Variants in NAPB observed in about 807,000 individuals in gnomAD.
The protein encoded by NAPB is beta-soluble NSF attachment protein.
In NAPB, 26 loss-of-function variants were observed where a neutral mutation model predicts 44.7. The ratio of observed to expected loss-of-function variants is 0.58; its 90% CI spans 0.43 to 0.81. The LOEUF is 0.81. Among genes scored for constraint, NAPB ranks in the 30% least tolerant of loss-of-function variants. NAPB has a pLI of 0.00. For synonymous variants in NAPB, 120 were observed against 116.8 expected (o/e 1.03, Z -0.18); for missense variants, 315 against 356.4 (o/e 0.88, Z 0.94).
At position 23,394,914 on chromosome 20, in the gene NAPB, C is replaced by T; in HGVS notation, c.420+8G>A. ...CTTCACATCTGAGGAAGTGTGCCCA[C>T]TGCTTACCTTCTCAATGTCTACAAG... is the stretch of plus-strand genomic sequence containing the variant. On this transcript the variant is annotated splice_region_variant and intron_variant, in intron 5 of 10. Transcript: ENST00000377026. 6.2e-7 allele frequency: 1 copy of T among 1,613,546 alleles called. No individual in the cohort carries two copies.
intron 1 of NAPB, among the ~76,000 whole-genome samples, chr20:23,410,156 A>G (rs150351991): frequency 2.0e-5 from 3 of 152,356 alleles, no homozygotes; most frequent in Non-Finnish European, 4.4e-5. Context: ...AGTGATGGAA[A>G]TACGTTCTTG....
intron 1 of NAPB, among the ~76,000 whole-genome samples, chr20:23,420,324 G>C (rs1986292067): frequency 6.6e-6 from 1 of 152,220 alleles, no homozygotes; most frequent in South Asian, 2.1e-4. Context: ...TAATCAAACA[G>C]GAGGCTCTGG....
At chr20:23,402,090 C>T (rs1045102868) in intron 2 of NAPB, among the ~76,000 whole-genome samples, 1 of 152,200 alleles carries the variant, frequency 6.6e-6, no homozygotes, top group Non-Finnish European at 1.5e-5. Context: ...TTAGCTAAAA[C>T]TAAACTTCTT....
At chr20:23,416,013 C>T (rs1202799961) in intron 1 of NAPB, among the ~76,000 whole-genome samples, 1 of 152,114 alleles carries the variant, frequency 6.6e-6, no homozygotes, top group African/African-American at 2.4e-5. Context: ...CTTAAACTCT[C>T]CTTTACTTGG....
chr20:23,399,892 C>T (rs971512931), intron 2 of NAPB, among the ~76,000 whole-genome samples: 3 of 152,254 alleles, frequency 2.0e-5, no homozygotes, highest in Non-Finnish European at 4.4e-5. Context: ...TTCATTATTA[C>T]ATGCAAATCT....
At chr20:23,382,660 A>G (rs1465289195) in intron 7 of NAPB, among the ~76,000 whole-genome samples, 1 of 152,116 alleles carries the variant, frequency 6.6e-6, no homozygotes, top group Non-Finnish European at 1.5e-5. Context: ...ACTGAAAAAA[A>G]AAAACAGTAC....
chr20:23,405,592 C>T (rs1338067376), intron 1 of NAPB, among the ~76,000 whole-genome samples: 4 of 152,072 alleles, frequency 2.6e-5, no homozygotes, highest in Admixed American at 6.5e-5. Flanking sequence ...GGCATGGTGG[C>T]GGGTGCCTGC....
intron 5 of NAPB, among the ~76,000 whole-genome samples, chr20:23,394,351 G>A (rs1400839369): frequency 6.6e-6 from 1 of 152,178 alleles, no homozygotes; most frequent in Non-Finnish European, 1.5e-5. Flanking sequence ...CTCACAGGTT[G>A]TAGAGAAAGA....
intron 5 of NAPB, among the ~76,000 whole-genome samples, chr20:23,391,793 C>A (rs1179078902): frequency 6.6e-6 from 1 of 152,218 alleles, no homozygotes; most frequent in Non-Finnish European, 1.5e-5. Context: ...GATTAAAAAC[C>A]GTAAAAACCA....
intron 1 of NAPB, among the ~76,000 whole-genome samples, chr20:23,418,663 C>T (rs1279187505): frequency 1.3e-5 from 2 of 151,864 alleles, no homozygotes; most frequent in African/African-American, 2.4e-5. Context: ...TGAGGCTGGG[C>T]GTGCTGGCTC....
intron 5 of NAPB, among the ~76,000 whole-genome samples, chr20:23,391,072 T>C (rs1321834735): frequency 3.3e-5 from 5 of 152,148 alleles, no homozygotes; most frequent in South Asian, 2.1e-4. Context: ...CCCAGCACTT[T>C]TGGAGGCCGA....
At chr20:23,380,932 C>T (rs187308599) in intron 8 of NAPB, 4 of 295,304 alleles carry the variant, frequency 1.4e-5, no homozygotes, top group Admixed American at 4.7e-5. Context: ...CAGTGCCCCC[C>T]ATTCAAGTAC....
intron 5 of NAPB, 137 bp from the exon 6 acceptor site, chr20:23,390,401 G>C (rs1983859561): frequency 1.4e-6 from 1 of 691,118 alleles, no homozygotes; most frequent in East Asian, 2.7e-5. Context: ...CTTTCTTTAG[G>C]AAATACAAGA....
chr20:23,419,884 G>C (rs994219339), intron 1 of NAPB, among the ~76,000 whole-genome samples: 1 of 152,168 alleles, frequency 6.6e-6, no homozygotes, highest in Non-Finnish European at 1.5e-5. Context: ...TTGTCCTTAA[G>C]CATTTCCTAA....
At chr20:23,402,844 T>C (rs1043841255) in intron 2 of NAPB, 149 bp downstream of exon 2, 9 of 633,916 alleles carry the variant, frequency 1.4e-5, no homozygotes, top group African/African-American at 1.3e-4. Context: ...TTAGTCTCCA[T>C]ATGTCAGTAG....
At chr20:23,398,854 A>ATTTTTT (rs34074566) in intron 2 of NAPB, among the ~76,000 whole-genome samples, 207 of 90,456 alleles carry the variant, frequency 2.3e-3, no homozygotes, top group African/African-American at 3.5e-3. Context: ...CAAAAAAAAA[A>ATTTTTT]TTTTTTTTTT....
chr20:23,383,443 G>T (rs759264043), intron 7 of NAPB, among the ~76,000 whole-genome samples: 1 of 151,914 alleles, frequency 6.6e-6, no homozygotes, highest in South Asian at 2.1e-4. Flanking sequence ...CCGACTAGGC[G>T]TTGTGGCTCA....
intron 1 of NAPB, among the ~76,000 whole-genome samples, chr20:23,415,047 G>C (rs781216232): frequency 1.3e-5 from 2 of 152,082 alleles, no homozygotes; most frequent in Non-Finnish European, 1.5e-5. Flanking sequence ...AATAGAGATT[G>C]AGACATAACT....
chr20:23,386,332 CA>C (rs747405131), intron 7 of NAPB, among the ~76,000 whole-genome samples: 1 of 151,718 alleles, frequency 6.6e-6, no homozygotes, highest in Non-Finnish European at 1.5e-5. Flanking sequence ...AAAATAAAAA[CA>C]AAAAAAGAGA....
Sources: gnomAD v4.1 joint callset for allele counts (sites outside exome capture counted in the v4.1 genomes callset) on GRCh38, gnomAD v4.1.1 for gene constraint, MANE v1.5 for transcripts, NCBI Gene and HGNC (gene_info 2026-07-23, HGNC 2026-07-21) for gene names.